DLC1: variants seen among roughly 807,000 people sequenced by gnomAD.
DLC1 encodes the protein DLC1 Rho GTPase activating protein.
DLC1 carries 54 observed loss-of-function variants against 140.3 expected under a neutral mutation model. The ratio of observed to expected loss-of-function variants is 0.38; its 90% confidence interval spans 0.31 to 0.48. The LOEUF (loss-of-function observed/expected upper bound fraction) is 0.48, where lower values mean the gene tolerates loss of function less well. Among genes scored for constraint, DLC1 ranks in the 20% least tolerant of loss-of-function variants. The pLI is 0.96. For missense variants in DLC1, 2,536 were observed against 1,907.0 expected (o/e 1.33, Z -6.14); for synonymous variants, 986 against 728.1 (o/e 1.35, Z -5.70).
At chr8:13,388,572 C>A (rs970036129) in intron 4 of DLC1, among the ~76,000 whole-genome samples, 4 of 151,904 alleles carry the variant, frequency 2.6e-5, no homozygotes, top group African/African-American at 9.7e-5. Context: ...TTTAAAAATT[C>A]TACTGTATAG....
At chr8:13,384,602 A>G (rs17215725) in intron 4 of DLC1, among the ~76,000 whole-genome samples, 19,713 of 152,032 alleles carry the variant, frequency 0.13, 1,447 homozygotes, top group Non-Finnish European at 0.16. Flanking sequence ...TCCACAGAAG[A>G]AAAAATGTAA....
chr8:13,347,484 G>C (rs1488794808), intron 4 of DLC1, among the ~76,000 whole-genome samples: 1 of 152,174 alleles, frequency 6.6e-6, no homozygotes, highest in Admixed American at 6.5e-5. Context: ...AGAGGGGCAG[G>C]CTTGGGAATT....
intron 4 of DLC1, among the ~76,000 whole-genome samples, chr8:13,310,248 C>G (rs1031098097): frequency 1.3e-5 from 2 of 152,132 alleles, no homozygotes; most frequent in African/African-American, 4.8e-5. Flanking sequence ...TTCAAATATT[C>G]AAGATGTTCA....
intron 5 of DLC1, among the ~76,000 whole-genome samples, chr8:13,205,598 A>G (rs1202476140): frequency 2.6e-5 from 4 of 152,114 alleles, no homozygotes; most frequent in Non-Finnish European, 5.9e-5. Flanking sequence ...AACACTAATG[A>G]TAGCTGATGA....
chr8:13,110,430 G>A (rs747252528), intron 7 of DLC1, among the ~76,000 whole-genome samples: 3 of 151,966 alleles, frequency 2.0e-5, no homozygotes, highest in Admixed American at 1.3e-4. Context: ...AATTTCCATC[G>A]TACCCTTTTA....
intron 2 of DLC1, among the ~76,000 whole-genome samples, chr8:13,494,887 G>T (rs1011700544): frequency 6.6e-6 from 1 of 152,128 alleles, no homozygotes; most frequent in Admixed American, 6.5e-5. Context: ...GGAGGCGGAA[G>T]TTGCAATGGG....
chr8:13,502,528 C>G (rs534055634), intron 1 of DLC1, among the ~76,000 whole-genome samples: 1 of 152,160 alleles, frequency 6.6e-6, no homozygotes, highest in Admixed American at 6.6e-5. Flanking sequence ...ATAGTTAAAT[C>G]TGTCTCTATG....
At chr8:13,124,720 G>GT (rs1240301776) in intron 5 of DLC1, among the ~76,000 whole-genome samples, 1 of 152,130 alleles carries the variant, frequency 6.6e-6, no homozygotes, top group Non-Finnish European at 1.5e-5. Flanking sequence ...GCTTGCCAGT[G>GT]GCTTTGTAAA....
intron 5 of DLC1, among the ~76,000 whole-genome samples, chr8:13,193,989 G>C (rs1434670152): frequency 6.6e-6 from 1 of 152,088 alleles, no homozygotes; most frequent in African/African-American, 2.4e-5. Context: ...TTAAATTCAG[G>C]CTTATATGTG....
At chr8:13,206,162 C>T (rs1217409630) in intron 5 of DLC1, among the ~76,000 whole-genome samples, 2 of 152,280 alleles carry the variant, frequency 1.3e-5, no homozygotes, top group East Asian at 3.9e-4. Flanking sequence ...TAATGAAAAA[C>T]TTCACTGAAT....
At chr8:13,481,372 A>T (rs1252813945) in intron 2 of DLC1, among the ~76,000 whole-genome samples, 1 of 152,188 alleles carries the variant, frequency 6.6e-6, no homozygotes, top group Non-Finnish European at 1.5e-5. Context: ...GGCTGCAGTG[A>T]GCCATGATTG....
intron 5 of DLC1, among the ~76,000 whole-genome samples, chr8:13,122,198 C>T (rs1015204793): frequency 6.6e-6 from 1 of 152,180 alleles, no homozygotes; most frequent in Non-Finnish European, 1.5e-5. Flanking sequence ...TGACTTTCCA[C>T]CGCCTTTCAA....
At chr8:13,246,006 A>T (rs1392709115) in intron 5 of DLC1, among the ~76,000 whole-genome samples, 1 of 152,140 alleles carries the variant, frequency 6.6e-6, no homozygotes, top group African/African-American at 2.4e-5. Context: ...CCAGCCACAA[A>T]CTATTTTAAA....
At chr8:13,359,184 T>C (rs187054783) in intron 4 of DLC1, among the ~76,000 whole-genome samples, 22 of 152,274 alleles carry the variant, frequency 1.4e-4, no homozygotes, top group Admixed American at 5.9e-4. Context: ...CGTGATCCAG[T>C]GCCTCGGCCT....
intron 5 of DLC1, among the ~76,000 whole-genome samples, chr8:13,157,460 G>T (rs550449491): frequency 1.3e-4 from 20 of 148,410 alleles, no homozygotes; most frequent in African/African-American, 5.1e-4. Flanking sequence ...AAGCAGGTGA[G>T]GAACAAAAAA....
intron 1 of DLC1, among the ~76,000 whole-genome samples, chr8:13,582,260 A>C (rs1035464877): frequency 6.6e-6 from 1 of 152,076 alleles, no homozygotes; most frequent in African/African-American, 2.4e-5. Flanking sequence ...TTTTGCATAC[A>C]CTCTCTTCAA....
chr8:13,256,232 C>G (rs952488284), intron 5 of DLC1, among the ~76,000 whole-genome samples: 5 of 152,142 alleles, frequency 3.3e-5, no homozygotes, highest in Non-Finnish European at 5.9e-5. Context: ...GTTGTTACTA[C>G]GTAACTCAAG....
intron 1 of DLC1, among the ~76,000 whole-genome samples, chr8:13,533,026 T>C (rs543664028): frequency 6.6e-6 from 1 of 152,342 alleles, no homozygotes; most frequent in African/African-American, 2.4e-5. Context: ...AACTAGCCTG[T>C]GGAATAATTG....
intron 4 of DLC1, among the ~76,000 whole-genome samples, chr8:13,365,119 C>T (rs1447300139): frequency 2.0e-5 from 3 of 152,280 alleles, no homozygotes; most frequent in African/African-American, 7.2e-5. Context: ...AATCAAATTC[C>T]ATTTTAAATT....
Sources: gnomAD v4.1 joint callset for allele counts (sites outside exome capture counted in the v4.1 genomes callset) on GRCh38, gnomAD v4.1.1 for gene constraint, MANE v1.5 for transcripts, NCBI Gene and HGNC (gene_info 2026-07-23, HGNC 2026-07-21) for gene names.